AGBL4: variants seen among roughly 807,000 people sequenced by gnomAD.
The protein encoded by AGBL4 is AGBL carboxypeptidase 4.
In AGBL4, 58 loss-of-function variants were observed where a neutral mutation model predicts 66.4. That is an observed-to-expected ratio of 0.87 (90% CI 0.71 to 1.09). The LOEUF (loss-of-function observed/expected upper bound fraction) is 1.09. Among genes scored for constraint, AGBL4 ranks in the 50% least tolerant of loss-of-function variants. The probability of loss-of-function intolerance (pLI) is 0.00; values close to 1 mark genes in which losing one functional copy is unlikely to be tolerated. For synonymous variants in AGBL4, 234 were observed against 222.9 expected, an observed-to-expected ratio of 1.05 and a Z score of -0.44; for missense variants, 579 against 631.0, an observed-to-expected ratio of 0.92 and a Z score of 0.88.
intron 4 of AGBL4, among the ~76,000 whole-genome samples, chr1:49,199,965 C>T (rs1233817703): frequency 6.6e-6 from 1 of 152,154 alleles, no homozygotes; most frequent in Non-Finnish European, 1.5e-5. Context: ...AGTGTGACTA[C>T]TTGATGCTGG....
chr1:49,010,835 A>C (rs1662341367), intron 5 of AGBL4, among the ~76,000 whole-genome samples: 1 of 151,910 alleles, frequency 6.6e-6, no homozygotes, highest in Non-Finnish European at 1.5e-5. Flanking sequence ...ATATGTAGAA[A>C]GCTGAAACTG....
At chr1:50,007,047 A>C (rs1162351029) in intron 1 of AGBL4, among the ~76,000 whole-genome samples, 1 of 152,154 alleles carries the variant, frequency 6.6e-6, no homozygotes, top group Non-Finnish European at 1.5e-5. Context: ...ATAAGATATA[A>C]ATAGAAACAA....
chr1:49,608,011 G>A (rs1030922093), intron 3 of AGBL4, among the ~76,000 whole-genome samples: 1 of 152,126 alleles, frequency 6.6e-6, no homozygotes, highest in Non-Finnish European at 1.5e-5. Context: ...CTTGTCAAAT[G>A]TCTTTTATGT....
intron 3 of AGBL4, among the ~76,000 whole-genome samples, chr1:49,567,204 C>T (rs961532205): frequency 6.6e-6 from 1 of 152,224 alleles, no homozygotes; most frequent in Non-Finnish European, 1.5e-5. Context: ...TCTGTCACCC[C>T]TTTCTTTGAC....
At chr1:49,363,831 G>A (rs544515378) in intron 3 of AGBL4, among the ~76,000 whole-genome samples, 11 of 152,194 alleles carry the variant, frequency 7.2e-5, no homozygotes, top group Non-Finnish European at 1.2e-4. Flanking sequence ...ACTCTGCTAT[G>A]TACTAGGGAT....
chr1:49,740,883 T>C (rs1650390384), intron 2 of AGBL4, among the ~76,000 whole-genome samples: 1 of 152,176 alleles, frequency 6.6e-6, no homozygotes, highest in Non-Finnish European at 1.5e-5. Context: ...CCAGAATCTC[T>C]GGGACACATT....
intron 3 of AGBL4, among the ~76,000 whole-genome samples, chr1:49,439,809 C>T (rs769074660): frequency 2.0e-5 from 3 of 152,136 alleles, no homozygotes; most frequent in Non-Finnish European, 2.9e-5. Flanking sequence ...TCTGAGACTT[C>T]GACTGGCTTT....
At chr1:49,383,852 A>G (rs1373278414) in intron 3 of AGBL4, among the ~76,000 whole-genome samples, 1 of 152,044 alleles carries the variant, frequency 6.6e-6, no homozygotes, top group East Asian at 1.9e-4. Context: ...GCTGGAGTAC[A>G]GTGGCGTGAT....
intron 1 of AGBL4, among the ~76,000 whole-genome samples, chr1:49,868,893 A>T (rs758530765): frequency 1.3e-5 from 2 of 152,192 alleles, no homozygotes; most frequent in Non-Finnish European, 2.9e-5. Flanking sequence ...TATATAAGTA[A>T]ATTAAACAAT....
intron 4 of AGBL4, among the ~76,000 whole-genome samples, chr1:49,129,509 T>A (rs1645841701): frequency 3.4e-5 from 5 of 147,674 alleles, no homozygotes; most frequent in African/African-American, 1.3e-4. Context: ...CTCCCCTTCC[T>A]GTGTCCATGT....
intron 3 of AGBL4, among the ~76,000 whole-genome samples, chr1:49,306,175 A>G (rs1156969726): frequency 6.6e-6 from 1 of 152,204 alleles, no homozygotes; most frequent in African/African-American, 2.4e-5. Context: ...CTTTACCTGC[A>G]TATTTCCTGG....
At chr1:49,048,135 C>A (rs17105425) in intron 4 of AGBL4, among the ~76,000 whole-genome samples, 1 of 152,034 alleles carries the variant, frequency 6.6e-6, no homozygotes, top group African/African-American at 2.4e-5. Flanking sequence ...TCTGACTTGA[C>A]GGTCTGAGTT....
At chr1:48,647,046 C>T (rs974036481) in intron 8 of AGBL4, among the ~76,000 whole-genome samples, 2 of 152,108 alleles carry the variant, frequency 1.3e-5, no homozygotes, top group African/African-American at 4.8e-5. Context: ...GGGCCTGACA[C>T]CCAGCAGGAC....
chr1:49,245,738 C>A lies in AGBL4; in HGVS notation c.377+32G>T, dbSNP rs766425507. On this transcript the variant is annotated intron_variant, in intron 4 of 13. Transcript: ENST00000371839. ...TGGGGTCTGGGACAAATTTTCTAAC[C>A]AGGAAGGGGTCCCATTCTGTAGATC... The A allele has an allele frequency of 3.7e-5, 56 of 1,501,830 alleles. No individual in the cohort carries two copies. The Middle Eastern group carries it at 8.5e-4, about 23-fold the overall frequency. The allele number at this position is 1,501,830 out of a possible 1,614,324, so 93.0% of individuals were successfully genotyped here. A position where few individuals can be genotyped will look rare whatever the true frequency, so the allele number is the denominator to read the frequency against.
intron 4 of AGBL4, among the ~76,000 whole-genome samples, chr1:49,085,196 A>G (rs1644882968): frequency 6.6e-6 from 1 of 152,082 alleles, no homozygotes; most frequent in South Asian, 2.1e-4. Context: ...GAGCTGAAAC[A>G]TCCATCTCCT....
intron 3 of AGBL4, among the ~76,000 whole-genome samples, chr1:49,328,908 A>G (rs1254027527): frequency 6.6e-6 from 1 of 152,204 alleles, no homozygotes; most frequent in Non-Finnish European, 1.5e-5. Flanking sequence ...ATTTCCTATA[A>G]TAATCATATT....
intron 4 of AGBL4, among the ~76,000 whole-genome samples, chr1:49,065,738 C>T (rs936033265): frequency 1.3e-5 from 2 of 152,192 alleles, no homozygotes; most frequent in Non-Finnish European, 2.9e-5. Context: ...ACATAGTGAA[C>T]TTTTGAGAAG....
chr1:49,564,146 G>A (rs545187532), intron 3 of AGBL4, among the ~76,000 whole-genome samples: 8 of 152,006 alleles, frequency 5.3e-5, no homozygotes, highest in South Asian at 2.1e-4. Context: ...CTGTGGGATC[G>A]GTGGTGATGT....
At chr1:49,484,792 T>C (rs1041120962) in intron 3 of AGBL4, among the ~76,000 whole-genome samples, 5 of 151,982 alleles carry the variant, frequency 3.3e-5, no homozygotes, top group African/African-American at 1.2e-4. Context: ...CTTGAGGGGA[T>C]AAATATCTCA....
Sources: gnomAD v4.1 joint callset for allele counts (sites outside exome capture counted in the v4.1 genomes callset) on GRCh38, gnomAD v4.1.1 for gene constraint, MANE v1.5 for transcripts, NCBI Gene and HGNC (gene_info 2026-07-23, HGNC 2026-07-21) for gene names.